Variants in NLRP13 observed in about 807,000 individuals in gnomAD.
NLRP13 encodes the protein NLR family pyrin domain containing 13, also known as NACHT, LRR and PYD domains-containing protein 13.
Under a neutral mutation model 94.4 loss-of-function variants are expected in NLRP13, and 82 were observed. The observed-to-expected ratio is 0.87, with a 90% CI of 0.73 to 1.04. The LOEUF is 1.04. NLRP13 is among the 50% of genes least tolerant of loss of function. The probability of loss-of-function intolerance (pLI) is 0.00; values close to 1 mark genes in which losing one functional copy is unlikely to be tolerated. For missense variants in NLRP13, 1,426 were observed against 1,230.8 expected (o/e 1.16, Z -2.37); for synonymous variants, 553 against 464.7 (o/e 1.19, Z -2.45).
chr19:55,917,158 A>G (rs536245071), intron 4 of NLRP13, among the ~76,000 whole-genome samples: 123 of 152,302 alleles, frequency 8.1e-4, no homozygotes, highest in Middle Eastern at 3.4e-3. Flanking sequence ...TTTTTCAGAC[A>G]AGCAAACACT....
chr19:55,927,669 A>G (rs1195097287), intron 1 of NLRP13, among the ~76,000 whole-genome samples: 1 of 152,158 alleles, frequency 6.6e-6, no homozygotes, highest in Non-Finnish European at 1.5e-5. Flanking sequence ...ACGCTTTCAG[A>G]TAAAAAAAAC....
intron 6 of NLRP13, among the ~76,000 whole-genome samples, 182 bp from the exon 7 acceptor site, chr19:55,908,138 T>TCC (rs1986407327): frequency 6.6e-6 from 1 of 151,436 alleles, no homozygotes; most frequent in Non-Finnish European, 1.5e-5. Context: ...TAAAATATAC[T>TCC]CCCCCCAAAA....
intron 9 of NLRP13, 68 bp downstream of exon 9, chr19:55,901,967 G>A (rs1986191967): frequency 5.9e-6 from 9 of 1,520,484 alleles, no homozygotes; most frequent in Non-Finnish European, 8.1e-6. Flanking sequence ...CAGGAACTCA[G>A]GCATTGGTGG....
At chr19:55,897,236 T>C (rs1175929897) in intron 10 of NLRP13, among the ~76,000 whole-genome samples, 1 of 152,154 alleles carries the variant, frequency 6.6e-6, no homozygotes, top group African/African-American at 2.4e-5. Context: ...TATTACACGC[T>C]GGCCAGGCGC....
chr19:55,912,076 A>G lies in NLRP13; in HGVS notation c.1741T>C (p.Trp581Arg), dbSNP rs1986533401. 1 of 1,614,088 alleles carries G rather than the reference A, an allele frequency of 6.2e-7. No homozygotes were observed. The highest frequency in any genetic ancestry group is 1.3e-5 in the African/African-American group (1 of 74,938). The part of the protein sequence containing the change: ...QHVLLDKEAY[W>R]TPVVLFFFGL... ...AAGAAGAACAGAACCACTGGAGTCC[A>G]GTAGGCTTCTTTGTCAAGCAAGACG... is the stretch of plus-strand genomic sequence containing the variant. Residue 581 changes from tryptophan to arginine, a missense_variant, in exon 5 of 11, where the codon TGG becomes CGG. By Grantham distance (101) the Trp-to-Arg change is moderately radical. Transcript: ENST00000342929.
Position 55,912,214 on chromosome 19 carries a change from T to C in NLRP13, c.1603A>G (p.Thr535Ala). The change falls in exon 5 of 11, where the codon ACC (threonine) becomes GCC (alanine). Residue 535 changes from threonine (T) to alanine (A), a missense_variant. By Grantham distance (58) the Thr-to-Ala change is moderately conservative. Coordinates refer to ENST00000342929, the MANE Select transcript of NLRP13 (RefSeq NM_176810.2). ...AAAAACTCCTGGAAACTTAGGTGGG[T>C]GAAAGTAGTGCAACCCCCACAGTCA... Reference protein sequence around the residue: ...INDCGGCTTFTHLSFQEFFAA... With the variant: ...INDCGGCTTFAHLSFQEFFAA... 1 of 1,614,076 alleles carries C rather than the reference T, an allele frequency of 6.2e-7. No individual in the cohort carries two copies. The highest frequency in any genetic ancestry group is 8.5e-7 in the Non-Finnish European group (1 of 1,180,002).
At position 55,910,705 on chromosome 19, in the gene NLRP13, C is replaced by T. The variant is rs745990162; in HGVS notation, c.2140G>A (p.Ala714Thr). 155 of 1,609,238 alleles carry T rather than the reference C, an allele frequency of 9.6e-5. No homozygotes were observed. The highest frequency in any genetic ancestry group is 2.5e-4 in the South Asian group (23 of 90,722). Residue 714 changes from alanine (A) to threonine (T), a missense_variant, in exon 6 of 11, where the codon GCA (alanine) becomes ACA (threonine). Coordinates refer to ENST00000342929, the MANE Select transcript of NLRP13 (RefSeq NM_176810.2). ...ETSKFDSRMH[A>T]WNSICSTLVT... ...AACGTAGAGCAAATGCTGTTCCATG[C>T]GTGCATCCTGGAATCAAACTTGCTT...
At chr19:55,930,217 C>G (rs1174050010) in intron 1 of NLRP13, among the ~76,000 whole-genome samples, 1 of 152,230 alleles carries the variant, frequency 6.6e-6, no homozygotes, top group Non-Finnish European at 1.5e-5. Context: ...CCTTTGGAGA[C>G]ACACTGCCTG....
intron 5 of NLRP13, 97 bp from the exon 6 acceptor site, chr19:55,910,830 A>T: frequency 9.5e-7 from 1 of 1,058,068 alleles, no homozygotes; most frequent in Non-Finnish European, 1.3e-6. Context: ...CCCTAACAAA[A>T]TTATTATAAT....
rs1186109283 is a variant in NLRP13, at chr19:55,912,802, G to A, written c.1015C>T (p.Leu339Phe). Residue 339 changes from leucine (L) to phenylalanine (F), a missense_variant, in exon 5 of 11, where the codon CTC becomes TTC. Leu to Phe is a conservative substitution (Grantham distance 22). Transcript: ENST00000342929. ...CTGTGTAGGATTTTGGTCACTGGGA[G>A]CTCCTGGTACCAGTCTGTACATGGC... Reference protein sequence around the residue: ...GSPCTDWYQELPVTKILHSLL... With the variant: ...GSPCTDWYQEFPVTKILHSLL... 8 of 1,614,088 alleles carry A rather than the reference G, an allele frequency of 5.0e-6. No individual in the cohort carries two copies. Among genetic ancestry groups the A allele is most frequent in the Non-Finnish European group, 6.8e-6 (8 of 1,180,002 alleles).
intron 4 of NLRP13, among the ~76,000 whole-genome samples, chr19:55,916,478 A>G (rs1432148825): frequency 6.6e-6 from 1 of 152,326 alleles, no homozygotes; most frequent in East Asian, 1.9e-4. Context: ...AAATCAGAAA[A>G]TAAATTCAGG....
chr19:55,910,541 G>A (rs1235405684), intron 6 of NLRP13, 22 bp downstream of exon 6: 4 of 1,560,988 alleles, frequency 2.6e-6, no homozygotes, highest in Admixed American at 1.8e-5. Flanking sequence ...ATCTTCTTGA[G>A]CTGCTGGCGT....
intron 5 of NLRP13, 92 bp downstream of exon 5, chr19:55,911,614 C>A (rs545278485): frequency 8.1e-7 from 1 of 1,240,160 alleles, no homozygotes; most frequent in Non-Finnish European, 1.1e-6. Flanking sequence ...GAATACATAA[C>A]GACAACACAT....
chr19:55,907,762 C>G, intron 7 of NLRP13, 30 bp downstream of exon 7: 1 of 1,612,408 alleles, frequency 6.2e-7, no homozygotes, highest in Non-Finnish European at 8.5e-7. Context: ...TGCAACCCCC[C>G]TTGACAGATC....
At chr19:55,896,518 CA>C (rs776309030) in intron 10 of NLRP13, among the ~76,000 whole-genome samples, 134 of 90,136 alleles carry the variant, frequency 1.5e-3, no homozygotes, top group South Asian at 5.2e-3. Flanking sequence ...GATTCTGTCT[CA>C]AAAAAAAAAA....
rs530859252 is a variant in NLRP13, at chr19:55,915,902, C to T, written c.524-2609G>A. Among the ~76,000 whole-genome samples, 276 of 152,298 alleles carry T rather than the reference C, an allele frequency of 1.8e-3. 1 individual carries two copies. The highest frequency in any genetic ancestry group is 6.4e-3 in the African/African-American group (265 of 41,560). The stretch of plus-strand genomic sequence containing the variant: ...TCAAGCATAAAAGCTACTGCAACTG[C>T]TGCAGCTGGCTCTAACCTGCACGTG... On this transcript the variant is annotated intron_variant, in intron 4 of 10. Transcript: ENST00000342929.
chr19:55,921,098 C>T (rs1163753933), intron 4 of NLRP13, among the ~76,000 whole-genome samples: 3 of 151,872 alleles, frequency 2.0e-5, no homozygotes, highest in Admixed American at 6.6e-5. Flanking sequence ...GAATAATAGA[C>T]GTTGAAGACT....
intron 10 of NLRP13, among the ~76,000 whole-genome samples, chr19:55,896,939 A>G (rs1327381869): frequency 2.0e-5 from 3 of 152,108 alleles, no homozygotes; most frequent in South Asian, 2.1e-4. Flanking sequence ...TCAAAGGTAC[A>G]TACTATTTTA....
rs375287186 is a variant in NLRP13 at position 55,911,831 on chromosome 19, G to T, written c.1986C>A (p.Asp662Glu). 2.9e-5 allele frequency: 47 copies of T among 1,613,978 alleles called. No individual in the cohort carries two copies. Among genetic ancestry groups the T allele is most frequent in the Non-Finnish European group, 3.9e-5 (46 of 1,180,008 alleles). The change falls in exon 5 of 11, where the codon GAC becomes GAA. Residue 662 changes from aspartate (D) to glutamate (E), a missense_variant. By Grantham distance (45) the Asp-to-Glu change is conservative. Coordinates refer to ENST00000342929, the MANE Select transcript of NLRP13 (RefSeq NM_176810.2). Reference sequence around the variant, plus strand: ...GTTCTTCGTCCTCCAAAATATTAAGGTCAACTTCAAAGATACGACCCAACA... The same window carrying T: ...GTTCTTCGTCCTCCAAAATATTAAGTTCAACTTCAAAGATACGACCCAACA... The part of the protein sequence containing the change: ...KKMLGRIFEV[D>E]LNILEDEELQ...
Sources: allele counts gnomAD v4.1 joint callset (sites outside exome capture counted in the v4.1 genomes callset), GRCh38; gene constraint gnomAD v4.1.1; transcripts MANE v1.5; gene names NCBI Gene and HGNC (gene_info 2026-07-23, HGNC 2026-07-21).